INVS: variants seen among roughly 807,000 people sequenced by gnomAD.
The protein encoded by INVS is inversin.
INVS carries 86 observed loss-of-function variants against 108.8 expected under a neutral mutation model. The ratio of observed to expected loss-of-function variants is 0.79; its 90% CI spans 0.66 to 0.95. INVS has a LOEUF of 0.95. Among genes scored for constraint, INVS ranks in the 40% least tolerant of loss-of-function variants. The pLI, the probability that INVS is intolerant of heterozygous loss-of-function variation, is 0.00. For synonymous variants in INVS, 455 were observed against 473.5 expected (o/e 0.96, Z 0.51); for missense variants, 1,169 against 1,297.4 (o/e 0.90, Z 1.52).
At chr9:100,223,518 A>G (rs750866575) in intron 3 of INVS, among the ~76,000 whole-genome samples, 1 of 152,224 alleles carries the variant, frequency 6.6e-6, no homozygotes, top group Non-Finnish European at 1.5e-5. Context: ...AACTATGCTG[A>G]GCACAGGGAT....
chr9:100,175,832 A>G lies in INVS; in HGVS notation c.273+49283A>G, dbSNP rs1829694193. On this transcript the variant is annotated intron_variant, in intron 3 of 16. Transcript: ENST00000262457. ...TCAGACCTGGTGCACCCAATCCTGG[A>G]ACAATCAGGCCTGGAACAATCCCTT... is the stretch of plus-strand genomic sequence containing the variant. The G allele has an allele frequency of 1.8e-5, 12 of 666,810 alleles. No individual in the cohort carries two copies. The Admixed American group carries it at 1.8e-4, about 10-fold the overall frequency. 41.3% of individuals were successfully genotyped at this position (666,810 alleles called of 1,614,324 possible). A position where few individuals can be genotyped will look rare whatever the true frequency, so the allele number is the denominator to read the frequency against.
In INVS at chr9:100,119,205, T is replaced by G. The variant is rs13300128; in HGVS notation, c.107-7178T>G. On this transcript the variant is annotated intron_variant, in intron 2 of 16. Transcript: ENST00000262457. The stretch of plus-strand genomic sequence containing the variant: ...TTTCAAAACCTTTTTATTCTTCTAC[T>G]TCTTTTGCCTTTTCATAACAATTTT... Among the ~76,000 whole-genome samples, 1,455 of 152,344 alleles carry G rather than the reference T, an allele frequency of 9.6e-3. 14 individuals are homozygous for G. Among genetic ancestry groups the G allele is most frequent in the African/African-American group, 0.012 (479 of 41,580 alleles).
chr9:100,239,557 G>A (rs1674722889), intron 5 of INVS, among the ~76,000 whole-genome samples: 1 of 152,038 alleles, frequency 6.6e-6, no homozygotes, highest in Admixed American at 6.6e-5. Flanking sequence ...ATTATTTTCT[G>A]TACTTTTTAT....
At chr9:100,245,233 C>T (rs1433689703) in intron 7 of INVS, among the ~76,000 whole-genome samples, 1 of 152,076 alleles carries the variant, frequency 6.6e-6, no homozygotes, top group Non-Finnish European at 1.5e-5. Flanking sequence ...AATTGTCAGG[C>T]ACTAATAGAA....
chr9:100,164,191 CTAAAT>C (rs1371389753), intron 3 of INVS, among the ~76,000 whole-genome samples: 3 of 152,072 alleles, frequency 2.0e-5, no homozygotes, highest in African/African-American at 4.8e-5. Context: ...TCTGGATTGA[CTAAAT>C]TAATTATGAG....
intron 11 of INVS, among the ~76,000 whole-genome samples, chr9:100,268,801 A>T (rs936542119): frequency 2.0e-5 from 3 of 152,170 alleles, no homozygotes; most frequent in African/African-American, 7.2e-5. Flanking sequence ...TTTACAAATG[A>T]GGAAACAAAA....
intron 13 of INVS, among the ~76,000 whole-genome samples, chr9:100,288,812 G>A (rs1437055646): frequency 3.3e-5 from 5 of 151,938 alleles, no homozygotes; most frequent in Non-Finnish European, 7.4e-5. Context: ...TTTTTGTAGA[G>A]ATGAGATTTC....
At chr9:100,207,965 T>C (rs1830724051) in intron 3 of INVS, among the ~76,000 whole-genome samples, 1 of 150,780 alleles carries the variant, frequency 6.6e-6, no homozygotes, top group South Asian at 2.1e-4. Flanking sequence ...CTTGAAAGAA[T>C]AGTTAGATTA....
chr9:100,268,894 C>T (rs1230065604), intron 11 of INVS, among the ~76,000 whole-genome samples: 4 of 152,128 alleles, frequency 2.6e-5, no homozygotes, highest in African/African-American at 9.7e-5. Flanking sequence ...TATTAAGCTA[C>T]ATGTTATTTC....
At chr9:100,258,211 T>C (rs921701273) in intron 10 of INVS, among the ~76,000 whole-genome samples, 1 of 152,242 alleles carries the variant, frequency 6.6e-6, no homozygotes, top group African/African-American at 2.4e-5. Flanking sequence ...CTGAAGCTTG[T>C]GCATGCCTCA....
intron 3 of INVS, among the ~76,000 whole-genome samples, chr9:100,208,250 C>T (rs1456796442): frequency 6.6e-6 from 1 of 152,130 alleles, no homozygotes; most frequent in East Asian, 1.9e-4. Context: ...AAATTTGAAA[C>T]TAGAAGATAC....
At chr9:100,247,371 C>A (rs903896840) in intron 8 of INVS, among the ~76,000 whole-genome samples, 2 of 152,096 alleles carry the variant, frequency 1.3e-5, no homozygotes, top group Admixed American at 1.3e-4. Context: ...ATAGAAGAGG[C>A]CTTTACCTAT....
chr9:100,233,113 A>G (rs570311599), intron 5 of INVS, among the ~76,000 whole-genome samples: 1 of 152,012 alleles, frequency 6.6e-6, no homozygotes, highest in Non-Finnish European at 1.5e-5. Flanking sequence ...ATTCCTAGGT[A>G]TTTTATTTCT....
chr9:100,108,912 A>G lies in INVS; in HGVS notation c.106+4285A>G, dbSNP rs546240341. On this transcript the variant is annotated intron_variant, in intron 2 of 16. Transcript: ENST00000262457. ...TAATACAGTGGATTAATGTTTTACC[A>G]TAACTTACTGCTTCTAGATTCAGAT... Among the ~76,000 whole-genome samples, 8 of 152,354 alleles carry G rather than the reference A, an allele frequency of 5.3e-5. No homozygotes were observed. The South Asian group carries it at 1.7e-3, about 32-fold the overall frequency.
intron 5 of INVS, among the ~76,000 whole-genome samples, chr9:100,231,284 T>G (rs1384679697): frequency 6.6e-6 from 1 of 152,200 alleles, no homozygotes; most frequent in African/African-American, 2.4e-5. Context: ...ATGCAATGCT[T>G]AGCTCTGCAT....
Position 100,104,581 on chromosome 9 carries a change from T to C in INVS, c.60T>C (p.Ala20=). The C allele has an allele frequency of 6.2e-7, 1 of 1,614,188 alleles. No individual in the cohort carries two copies. The highest frequency in any genetic ancestry group is 8.5e-7 in the Non-Finnish European group (1 of 1,180,008). ...CATCATTAGCATCACAAGTCCATGC[T>C]GCTGCCGTTAATGGAGATAAGGGTG... The part of the protein sequence containing the change: ...AGSSLASQVH[A]AAVNGDKGAL... The change falls in exon 2 of 17, where the codon GCT becomes GCC. Residue 20 remains alanine, a synonymous_variant. Transcript: ENST00000262457.
intron 11 of INVS, among the ~76,000 whole-genome samples, chr9:100,268,643 G>T (rs1280109807): frequency 6.6e-6 from 1 of 152,060 alleles, no homozygotes; most frequent in African/African-American, 2.4e-5. Context: ...GTTAAATTTA[G>T]GTATTGAGTG....
intron 3 of INVS, among the ~76,000 whole-genome samples, chr9:100,214,306 C>A (rs1450966268): frequency 6.6e-6 from 1 of 152,100 alleles, no homozygotes; most frequent in Admixed American, 6.5e-5. Context: ...TCTTTGGCCT[C>A]GTTGCAGATA....
At chr9:100,107,873 G>A (rs970705573) in intron 2 of INVS, among the ~76,000 whole-genome samples, 3 of 152,040 alleles carry the variant, frequency 2.0e-5, no homozygotes, top group African/African-American at 4.8e-5. Flanking sequence ...ACAGTACTTG[G>A]CACATAAGAA....
Sources: gnomAD v4.1 joint callset for allele counts (sites outside exome capture counted in the v4.1 genomes callset) on GRCh38, gnomAD v4.1.1 for gene constraint, MANE v1.5 for transcripts, NCBI Gene and HGNC (gene_info 2026-07-23, HGNC 2026-07-21) for gene names.